The following CNTNAP2 variants were observed in gnomAD, a reference collection of about 807,000 sequenced individuals.
CNTNAP2 encodes the protein contactin associated protein 2.
CNTNAP2 carries 98 observed loss-of-function variants against 155.2 expected under a neutral mutation model. That is an observed-to-expected ratio of 0.63 (90% CI 0.54 to 0.75). CNTNAP2 has a LOEUF of 0.75. Among genes scored for constraint, CNTNAP2 ranks in the 30% least tolerant of loss-of-function variants. The probability of loss-of-function intolerance (pLI) is 0.00; values close to 1 mark genes in which losing one functional copy is unlikely to be tolerated. For missense variants in CNTNAP2, 1,727 were observed against 1,688.1 expected (o/e 1.02, Z -0.40); for synonymous variants, 651 against 631.2 (o/e 1.03, Z -0.47).
chr7:147,599,234 T>C (rs1266317596), intron 12 of CNTNAP2, among the ~76,000 whole-genome samples: 1 of 151,878 alleles, frequency 6.6e-6, no homozygotes, highest in Non-Finnish European at 1.5e-5. Flanking sequence ...CCTAGCAGTT[T>C]GGGAGGCCAA....
In CNTNAP2 at chr7:147,572,701, AACACAC is replaced by A. The variant is rs55950116; in HGVS notation, c.1897+10472_1897+10477del. Among the ~76,000 whole-genome samples the A allele has an allele frequency of 1.6e-3, 244 of 149,080 alleles. 1 individual carries two copies. The highest frequency in any genetic ancestry group is 2.3e-3 in the Non-Finnish European group (152 of 67,096). On this transcript the variant is annotated intron_variant, in intron 12 of 23. Coordinates refer to ENST00000361727, the MANE Select transcript of CNTNAP2 (RefSeq NM_014141.6). ...AATCAACTATTCAAACAGGATGGGA[AACACAC>A]ACACACACACACACACACACACACA...
intron 8 of CNTNAP2, among the ~76,000 whole-genome samples, chr7:147,139,508 A>C (rs1356899675): frequency 6.6e-6 from 1 of 151,608 alleles, no homozygotes; most frequent in Admixed American, 6.6e-5. Flanking sequence ...ACCACTTCCC[A>C]CTCCCCCCAT....
intron 10 of CNTNAP2, among the ~76,000 whole-genome samples, chr7:147,447,064 T>A (rs1797751301): frequency 6.6e-6 from 1 of 152,168 alleles, no homozygotes; most frequent in South Asian, 2.1e-4. Context: ...AATCAGATTT[T>A]TATTTTTTTT....
chr7:147,087,077 T>C (rs1213001382), intron 4 of CNTNAP2, among the ~76,000 whole-genome samples: 1 of 152,200 alleles, frequency 6.6e-6, no homozygotes, highest in Non-Finnish European at 1.5e-5. Context: ...ATTATCTACA[T>C]GGTGGACCTT....
chr7:146,910,451 A>C (rs1222443760), intron 3 of CNTNAP2, among the ~76,000 whole-genome samples: 2 of 149,292 alleles, frequency 1.3e-5, no homozygotes, highest in Non-Finnish European at 3.0e-5. Context: ...TGGTACCAAA[A>C]CAGAGATATA....
At chr7:146,737,995 G>A (rs1044179740) in intron 1 of CNTNAP2, among the ~76,000 whole-genome samples, 4 of 152,006 alleles carry the variant, frequency 2.6e-5, no homozygotes, top group African/African-American at 9.7e-5. Context: ...GTGCAGATAT[G>A]TTTTCAAAAT....
chr7:146,834,790 A>G (rs1390500435), intron 2 of CNTNAP2, among the ~76,000 whole-genome samples: 1 of 152,136 alleles, frequency 6.6e-6, no homozygotes, highest in South Asian at 2.1e-4. Flanking sequence ...GCTACAATAC[A>G]TTGGGAACTT....
intron 6 of CNTNAP2, among the ~76,000 whole-genome samples, chr7:147,126,699 C>G (rs1285576670): frequency 1.3e-5 from 2 of 152,166 alleles, no homozygotes; most frequent in Non-Finnish European, 2.9e-5. Context: ...TCTCGAACTC[C>G]TGATCTCAGG....
intron 1 of CNTNAP2, among the ~76,000 whole-genome samples, chr7:146,462,589 A>G (rs926125313): frequency 6.6e-6 from 1 of 152,214 alleles, no homozygotes; most frequent in African/African-American, 2.4e-5. Flanking sequence ...GCACTCCATT[A>G]GTACGTTTTG....
rs1010806314 is a variant in CNTNAP2, at chr7:147,559,569, T to C, written c.1778-2569T>C. On this transcript the variant is annotated intron_variant, in intron 11 of 23. Coordinates refer to ENST00000361727, the MANE Select transcript of CNTNAP2 (RefSeq NM_014141.6). ...AAACAAGATACCAAATGAAAGACAA[T>C]GATAAGGAGTTTTGGCAGAAGAAAA... 8.1e-4 allele frequency among the ~76,000 whole-genome samples: 123 copies of C among 152,026 alleles called. 1 individual carries two copies. The highest frequency in any genetic ancestry group is 7.5e-3 in the Admixed American group (114 of 15,278).
chr7:147,668,295 G>A (rs763254475), intron 13 of CNTNAP2, among the ~76,000 whole-genome samples: 1 of 152,222 alleles, frequency 6.6e-6, no homozygotes, highest in Admixed American at 6.5e-5. Context: ...ATAGAGGAAT[G>A]TTCATAGTGC....
At chr7:147,337,739 C>A (rs1452598946) in intron 9 of CNTNAP2, among the ~76,000 whole-genome samples, 1 of 152,108 alleles carries the variant, frequency 6.6e-6, no homozygotes. Context: ...AACCCTCTGC[C>A]ATTTCTAGGA....
chr7:147,588,662 G>C (rs1239669523), intron 12 of CNTNAP2, among the ~76,000 whole-genome samples: 1 of 152,028 alleles, frequency 6.6e-6, no homozygotes, highest in Non-Finnish European at 1.5e-5. Flanking sequence ...TCACATCATA[G>C]TGCCAGGCAA....
intron 1 of CNTNAP2, among the ~76,000 whole-genome samples, chr7:146,766,173 T>A (rs1159253811): frequency 6.6e-6 from 1 of 152,128 alleles, no homozygotes; most frequent in Non-Finnish European, 1.5e-5. Flanking sequence ...AGGAAATAAG[T>A]GCCCAATAAA....
chr7:146,964,381 T>A (rs1252561035), intron 3 of CNTNAP2, among the ~76,000 whole-genome samples: 7 of 152,182 alleles, frequency 4.6e-5, no homozygotes, highest in Admixed American at 3.9e-4. Context: ...ACTGATTTGT[T>A]TAAATTTAAA....
chr7:146,346,861 A>G (rs1472524136), intron 1 of CNTNAP2, among the ~76,000 whole-genome samples: 2 of 152,198 alleles, frequency 1.3e-5, no homozygotes, highest in Non-Finnish European at 2.9e-5. Context: ...GCTGCTCCAG[A>G]GGACCGATAG....
rs552039194 is a variant in CNTNAP2 at position 146,931,501 on chromosome 7, A to G, written c.402+91597A>G. ...AGAAAGCAGAAAAGATCCAAAACTG[A>G]CACCCTAACATCACAGTTAAAAGAA... On this transcript the variant is annotated intron_variant, in intron 3 of 23. Coordinates refer to ENST00000361727, the MANE Select transcript of CNTNAP2 (RefSeq NM_014141.6). 5.3e-5 allele frequency among the ~76,000 whole-genome samples: 8 copies of G among 150,480 alleles called. No homozygotes were observed. The South Asian group carries it at 1.7e-3, about 32-fold the overall frequency.
chr7:147,394,909 T>TAC (rs1796786588), intron 9 of CNTNAP2, among the ~76,000 whole-genome samples: 2 of 151,110 alleles, frequency 1.3e-5, no homozygotes. Context: ...CTAGTATATA[T>TAC]ACCATATTAT....
intron 2 of CNTNAP2, among the ~76,000 whole-genome samples, chr7:146,793,834 T>C (rs1197539110): frequency 6.6e-6 from 1 of 152,334 alleles, no homozygotes; most frequent in East Asian, 1.9e-4. Flanking sequence ...GTAGGCAGTA[T>C]GTGGATCACA....
Sources: allele counts gnomAD v4.1 joint callset (sites outside exome capture counted in the v4.1 genomes callset), GRCh38; gene constraint gnomAD v4.1.1; transcripts MANE v1.5; gene names NCBI Gene and HGNC (gene_info 2026-07-23, HGNC 2026-07-21).